Variants in GPHN observed in about 807,000 individuals in gnomAD.
GPHN encodes the protein gephyrin.
Under a neutral mutation model 95.5 loss-of-function variants are expected in GPHN, and 17 were observed. That is an observed-to-expected ratio of 0.18 (90% CI 0.12 to 0.27). GPHN has a LOEUF of 0.27. Ranked by LOEUF, GPHN falls within the 10% of genes least tolerant of loss-of-function variation. The probability of loss-of-function intolerance (pLI) is 1.00; values close to 1 mark genes in which losing one functional copy is unlikely to be tolerated. For missense variants in GPHN, 660 were observed against 978.1 expected (o/e 0.67, Z 4.34); for synonymous variants, 320 against 322.5 (o/e 0.99, Z 0.08).
the GPHN span, among the ~76,000 whole-genome samples, chr14:67,428,291 G>C: frequency 2.0e-5 from 3 of 152,156 alleles, no homozygotes; most frequent in Non-Finnish European, 4.4e-5. Flanking sequence ...ACTGCTTCCA[G>C]TGCAGCAGCA....
the GPHN span, among the ~76,000 whole-genome samples, chr14:67,538,451 G>A: frequency 6.6e-6 from 1 of 152,228 alleles, no homozygotes; most frequent in Non-Finnish European, 1.5e-5. Flanking sequence ...GCTTTGACAA[G>A]TTACAAACTC....
chr14:67,629,155 G>A, the GPHN span, among the ~76,000 whole-genome samples: 1 of 152,098 alleles, frequency 6.6e-6, no homozygotes, highest in Non-Finnish European at 1.5e-5. Context: ...GCAACTTAGC[G>A]AGTCCCAATC....
At position 66,752,501 on chromosome 14, in the gene GPHN, A is replaced by G. The variant is rs750438991; in HGVS notation, c.144-23963A>G. On this transcript the variant is annotated intron_variant, in intron 2 of 22. Coordinates refer to ENST00000478722, the MANE Select transcript of GPHN (RefSeq NM_020806.5). ...AATAAGGAGACCCAAGAAGAGGGAG[A>G]GAGACAGGAAAATGGCCAGCTGGTC... Among the ~76,000 whole-genome samples, 55 of 152,224 alleles carry G rather than the reference A, an allele frequency of 3.6e-4. 1 individual carries two copies. In the Middle Eastern group the frequency reaches 0.01, roughly 28 times the overall value.
the GPHN span, chr14:67,340,032 CAAAAAA>C: frequency 4.2e-5 from 3 of 71,786 alleles, no homozygotes; most frequent in East Asian, 3.1e-4. Context: ...CTCTGTCTCA[CAAAAAA>C]AAAAAAAAAA....
intron 11 of GPHN, 84 bp from the exon 12 acceptor site, chr14:67,088,899 A>T (rs552159139): frequency 2.9e-4 from 225 of 784,554 alleles, no homozygotes; most frequent in Non-Finnish European, 4.8e-4. Flanking sequence ...GTGTCAGACA[A>T]GCACTCATGC....
the GPHN span, among the ~76,000 whole-genome samples, chr14:67,343,026 T>C: frequency 6.6e-6 from 1 of 152,180 alleles, no homozygotes; most frequent in African/African-American, 2.4e-5. Flanking sequence ...AAAAGTTGCA[T>C]CACTCAACCA....
chr14:67,574,956 C>G, the GPHN span, among the ~76,000 whole-genome samples: 20 of 152,350 alleles, frequency 1.3e-4, no homozygotes, highest in South Asian at 4.1e-3. This position sits in a 1 kb window ranked among gnomAD's most constrained non-coding sequence, Gnocchi z 4.2. Flanking sequence ...CGCTGTGTGG[C>G]TCTGCTTCTC....
At chr14:67,443,610 A>G in the GPHN span, among the ~76,000 whole-genome samples, 1 of 152,002 alleles carries the variant, frequency 6.6e-6, no homozygotes, top group Non-Finnish European at 1.5e-5. Flanking sequence ...AAAGAGAAAT[A>G]AAAATGTAGG....
At chr14:67,171,087 G>A (rs774318720) in intron 21 of GPHN, among the ~76,000 whole-genome samples, 1 of 152,076 alleles carries the variant, frequency 6.6e-6, no homozygotes, top group Non-Finnish European at 1.5e-5. Context: ...AGTGGCACTC[G>A]CCTGTAATCC....
intron 10 of GPHN, among the ~76,000 whole-genome samples, chr14:67,040,483 A>G (rs1201923068): frequency 6.6e-6 from 1 of 152,178 alleles, no homozygotes; most frequent in African/African-American, 2.4e-5. Flanking sequence ...CCACAATACT[A>G]TTATGTAATC....
At chr14:67,298,818 G>A in the GPHN span, among the ~76,000 whole-genome samples, 4 of 152,284 alleles carry the variant, frequency 2.6e-5, no homozygotes, top group South Asian at 2.1e-4. Context: ...GGCCCTTTGC[G>A]ATGACAATCA....
At chr14:66,704,906 A>G (rs1483772802) in intron 2 of GPHN, among the ~76,000 whole-genome samples, 1 of 135,140 alleles carries the variant, frequency 7.4e-6, no homozygotes, top group African/African-American at 3.2e-5. Context: ...AACACAGTAG[A>G]TAGACTGCTA....
At chr14:67,734,816 G>A in the GPHN span, among the ~76,000 whole-genome samples, 2 of 152,284 alleles carry the variant, frequency 1.3e-5, no homozygotes, top group African/African-American at 2.4e-5. Context: ...TATTCTCTGC[G>A]TTATCCCCAT....
rs536960741 is a variant in GPHN at position 66,761,673 on chromosome 14, T to TC, written c.144-14791_144-14790insC. ...AATACTCAGTTCTTTTTTTTTTTTT[T>TC]TTTTGAGATGGAGTCTCTTTCTGTG... On this transcript the variant is annotated intron_variant, in intron 2 of 22. Coordinates refer to ENST00000478722, the MANE Select transcript of GPHN (RefSeq NM_020806.5). Among the ~76,000 whole-genome samples the TC allele has an allele frequency of 9.6e-4, 143 of 149,590 alleles. 3 individuals carry two copies. In the East Asian group the frequency reaches 0.021, roughly 22 times the overall value.
At chr14:66,561,346 A>G (rs2060232477) in intron 1 of GPHN, among the ~76,000 whole-genome samples, 1 of 152,176 alleles carries the variant, frequency 6.6e-6, no homozygotes, top group African/African-American at 2.4e-5. Flanking sequence ...CTCTGGTAGA[A>G]TTCGGCTGAA....
intron 18 of GPHN, among the ~76,000 whole-genome samples, chr14:67,157,653 C>A (rs892779273): frequency 2.6e-5 from 4 of 151,322 alleles, no homozygotes; most frequent in Admixed American, 6.6e-5. Context: ...GTGAAACGCT[C>A]TCTCTCCTAA....
the GPHN span, chr14:67,205,179 T>C: frequency 7.6e-7 from 1 of 1,310,002 alleles, no homozygotes; most frequent in South Asian, 1.6e-5. Context: ...ACATTGATTA[T>C]CAAAATGCTA....
the GPHN span, chr14:67,677,195 G>C: frequency 6.6e-6 from 1 of 151,794 alleles, no homozygotes; most frequent in East Asian, 2.0e-4. Flanking sequence ...CTTTTGATAA[G>C]AAGTCTCCAA....
At chr14:67,111,730 G>A (rs1237459763) in intron 14 of GPHN, 131 bp from the exon 15 acceptor site, 1 of 748,536 alleles carries the variant, frequency 1.3e-6, no homozygotes, top group Non-Finnish European at 2.4e-6. Flanking sequence ...TTCAAAGGGT[G>A]TAGCAAATAG....
Sources: gnomAD v4.1 joint callset for allele counts (sites outside exome capture counted in the v4.1 genomes callset) on GRCh38, gnomAD v4.1.1 for gene constraint, Gnocchi (gnomAD v3.1) non-coding constraint, MANE v1.5 for transcripts, NCBI Gene and HGNC (gene_info 2026-07-23, HGNC 2026-07-21) for gene names.